The following SNX31 variants were observed in gnomAD, a reference collection of about 807,000 sequenced individuals.
SNX31 encodes the protein sorting nexin-31.
A neutral mutation model predicts 65.4 loss-of-function variants in SNX31; 58 were observed. The ratio of observed to expected loss-of-function variants is 0.89; its 90% CI spans 0.72 to 1.10. The LOEUF is 1.10. Ranked by LOEUF, SNX31 falls within the 50% of genes least tolerant of loss-of-function variation. SNX31 has a pLI of 0.00. For missense variants in SNX31, 523 were observed against 529.7 expected (o/e 0.99, Z 0.12); for synonymous variants, 181 against 190.1 (o/e 0.95, Z 0.39).
At chr8:100,590,858 C>T (rs1010634971) in intron 10 of SNX31, among the ~76,000 whole-genome samples, 1 of 152,062 alleles carries the variant, frequency 6.6e-6, no homozygotes, top group Non-Finnish European at 1.5e-5. Context: ...CAACAGATAA[C>T]GCAGTACTGT....
chr8:100,620,821 C>T (rs1345401803), intron 4 of SNX31, among the ~76,000 whole-genome samples: 1 of 152,090 alleles, frequency 6.6e-6, no homozygotes, highest in Non-Finnish European at 1.5e-5. Context: ...TTGCCCAGGC[C>T]GAGCATGGTG....
rs1220315775 is a variant in SNX31, at chr8:100,588,021, T to C, written c.1092+845A>G. Among the ~76,000 whole-genome samples, 1 of 152,196 alleles carries C rather than the reference T, an allele frequency of 6.6e-6. No homozygotes were observed. Among genetic ancestry groups the C allele is most frequent in the Non-Finnish European group, 1.5e-5 (1 of 68,040 alleles). Reference sequence around the variant, plus strand: ...GCTATAAACCTGTACAGTATGCTACTATACTGAATAAATTCTGAGGCAATT... The same window carrying C: ...GCTATAAACCTGTACAGTATGCTACCATACTGAATAAATTCTGAGGCAATT... On this transcript the variant is annotated intron_variant, in intron 11 of 13. Coordinates refer to ENST00000311812, the MANE Select transcript of SNX31 (RefSeq NM_152628.4). The surrounding 1 kb of genome is among the most constrained non-coding windows in gnomAD (Gnocchi z 4.8).
At chr8:100,608,770 G>T (rs1311501311) in intron 7 of SNX31, among the ~76,000 whole-genome samples, 1 of 152,138 alleles carries the variant, frequency 6.6e-6, no homozygotes. Context: ...TTGCCTGGAG[G>T]GCTCTAAGAG....
rs1819871511 is a variant in SNX31, at chr8:100,649,368, C to T, written c.67-20G>A. 2 of 1,613,342 alleles carry T rather than the reference C, an allele frequency of 1.2e-6. No homozygotes were observed. Among genetic ancestry groups the T allele is most frequent in the South Asian group, 1.1e-5 (1 of 91,036 alleles). ...GTACAGCTGCAAACACACAGACACC[C>T]CGTCCCTGGTGAGCCGAGGGATAAG... On this transcript the variant is annotated intron_variant, in intron 1 of 13. Coordinates refer to ENST00000311812, the MANE Select transcript of SNX31 (RefSeq NM_152628.4).
At chr8:100,584,718 C>A (rs529548597) in intron 11 of SNX31, among the ~76,000 whole-genome samples, 55 of 147,488 alleles carry the variant, frequency 3.7e-4, no homozygotes, top group Non-Finnish European at 7.3e-4. Context: ...TTTTTCTTCA[C>A]TTCACTTTCT....
Position 100,583,400 on chromosome 8 carries a change from C to T in SNX31, c.1170+711G>A, listed in dbSNP as rs528643653. Among the ~76,000 whole-genome samples, 16 of 151,908 alleles carry T rather than the reference C, an allele frequency of 1.1e-4. No individual in the cohort carries two copies. The South Asian group carries it at 1.9e-3, about 18-fold the overall frequency. ...GATTACAGGCATGAGCCACCATGCC[C>T]GGCCCCAGGCATTGGTATTTCTAAT... On this transcript the variant is annotated intron_variant, in intron 12 of 13. Transcript: ENST00000311812.
upstream of SNX31, among the ~76,000 whole-genome samples, chr8:100,651,542 C>A (rs1819973988): frequency 6.6e-6 from 1 of 152,218 alleles, no homozygotes; most frequent in Non-Finnish European, 1.5e-5. Flanking sequence ...GGCCTCTGTG[C>A]AAGTCACCGT....
In SNX31 at chr8:100,630,361, TCACTTCTCA is replaced by T; in HGVS notation, c.278_286del (p.Leu93_Asp96delinsTyr). The T allele has an allele frequency of 1.2e-6, 2 of 1,613,410 alleles. No individual in the cohort carries two copies. Among genetic ancestry groups the T allele is most frequent in the Non-Finnish European group, 1.7e-6 (2 of 1,179,874 alleles). ...CAGTTTTAAAAACTCAACGAAGACA[TCACTTCTCA>T]ACACGTTTGGGTCCATGGTTACTGA... On this transcript the variant is annotated inframe_deletion, in exon 4 of 14. Coordinates refer to ENST00000311812, the MANE Select transcript of SNX31 (RefSeq NM_152628.4). The surrounding 1 kb of genome is among the most constrained non-coding windows in gnomAD (Gnocchi z 5.3).
At position 100,609,537 on chromosome 8, in the gene SNX31, A is replaced by C. The variant is rs1169057255; in HGVS notation, c.612-974T>G. The stretch of plus-strand genomic sequence containing the variant: ...GAATCACGAGGAACTGAAATTAATG[A>C]CTGTAGAAGCACAGTAGCATGTTAA... On this transcript the variant is annotated intron_variant, in intron 7 of 13. Coordinates refer to ENST00000311812, the MANE Select transcript of SNX31 (RefSeq NM_152628.4). This position sits in a 1 kb window ranked among gnomAD's most constrained non-coding sequence, Gnocchi z 4.9. 6.6e-6 allele frequency among the ~76,000 whole-genome samples: 1 copy of C among 152,134 alleles called. No homozygotes were observed. Among genetic ancestry groups the C allele is most frequent in the East Asian group, 1.9e-4 (1 of 5,196 alleles).
At chr8:100,649,916 T>TA (rs1392614497), upstream of SNX31, among the ~76,000 whole-genome samples, 25 of 152,290 alleles carry the variant, frequency 1.6e-4, no homozygotes, top group African/African-American at 3.6e-4. Flanking sequence ...ATAGATCTAG[T>TA]AACTGCCTTA....
intron 2 of SNX31, among the ~76,000 whole-genome samples, chr8:100,641,565 A>AAAAAATAT (rs1554587369): frequency 3.7e-4 from 12 of 32,100 alleles, no homozygotes; most frequent in Non-Finnish European, 5.3e-4. Flanking sequence ...AAAAAAAAAA[A>AAAAAATAT]ATATATATAT....
chr8:100,622,198 G>A lies in SNX31; in HGVS notation c.322-4468C>T, dbSNP rs1287592440. Among the ~76,000 whole-genome samples, 1 of 152,158 alleles carries A rather than the reference G, an allele frequency of 6.6e-6. No individual in the cohort carries two copies. The highest frequency in any genetic ancestry group is 1.5e-5 in the Non-Finnish European group (1 of 68,032). The stretch of plus-strand genomic sequence containing the variant: ...GCTTAATTAGTTTAAAGCCAGGTTA[G>A]ATGGCTGCCTAGAAGATAAGCTCCT... On this transcript the variant is annotated intron_variant, in intron 4 of 13. Coordinates refer to ENST00000311812, the MANE Select transcript of SNX31 (RefSeq NM_152628.4). This position sits in a 1 kb window ranked among gnomAD's most constrained non-coding sequence, Gnocchi z 5.0.
At chr8:100,624,019 G>A (rs1817881781) in intron 4 of SNX31, among the ~76,000 whole-genome samples, 1 of 151,888 alleles carries the variant, frequency 6.6e-6, no homozygotes, top group Non-Finnish European at 1.5e-5. Flanking sequence ...GTGGGGGGAT[G>A]CGGGGAGGAA....
chr8:100,629,084 G>A lies in SNX31; in HGVS notation c.321+1243C>T, dbSNP rs935939634. On this transcript the variant is annotated intron_variant, in intron 4 of 13. Transcript: ENST00000311812. This position sits in a 1 kb window ranked among gnomAD's most constrained non-coding sequence, Gnocchi z 5.1. ...GTGGTGTTCACACAATGACAAAATC[G>A]CCTAATGATGCATTTATCAGAACGA... Among the ~76,000 whole-genome samples, 2 of 152,038 alleles carry A rather than the reference G, an allele frequency of 1.3e-5. No individual in the cohort carries two copies. The highest frequency in any genetic ancestry group is 2.9e-5 in the Non-Finnish European group (2 of 67,998).
chr8:100,623,901 T>C (rs16898646), intron 4 of SNX31, among the ~76,000 whole-genome samples: 2,649 of 152,048 alleles, frequency 0.017, 79 homozygotes, highest in African/African-American at 0.058. Context: ...GAAAATTCTG[T>C]CTTCAGGGCT....
chr8:100,652,245 T>C (rs1354325422), upstream of SNX31, among the ~76,000 whole-genome samples: 4 of 152,226 alleles, frequency 2.6e-5, no homozygotes, highest in African/African-American at 9.6e-5. Flanking sequence ...CCCAAAGTCG[T>C]GGGATTACAG....
At chr8:100,663,506 C>G (rs983295854), upstream of SNX31, 1 of 152,092 alleles carries the variant, frequency 6.6e-6, no homozygotes, top group African/African-American at 2.4e-5. Context: ...ATTAAGACGG[C>G]GATGTCCCCC....
intron 2 of SNX31, among the ~76,000 whole-genome samples, chr8:100,643,969 G>A (rs1819451070): frequency 6.6e-6 from 1 of 152,204 alleles, no homozygotes. Context: ...CTTCCTGGAG[G>A]AGATGGGACT....
At position 100,612,120 on chromosome 8, in the gene SNX31, G is replaced by T; in HGVS notation, c.524-33C>A. On this transcript the variant is annotated intron_variant, in intron 6 of 13. Coordinates refer to ENST00000311812, the MANE Select transcript of SNX31 (RefSeq NM_152628.4). This position sits in a 1 kb window ranked among gnomAD's most constrained non-coding sequence, Gnocchi z 4.3. ...AAGGAGAAAGCCGGTCTTACTGGTT[G>T]AAACAGCACAGACAGCTTATATATA... 1 of 1,434,308 alleles carries T rather than the reference G, an allele frequency of 7.0e-7. No homozygotes were observed. The highest frequency in any genetic ancestry group is 9.8e-7 in the Non-Finnish European group (1 of 1,016,728). The allele number at this position is 1,434,308 out of a possible 1,614,324, so 88.8% of individuals were successfully genotyped here. A position where few individuals can be genotyped will look rare whatever the true frequency, so the allele number is the denominator to read the frequency against.
Sources: gnomAD v4.1 joint callset for allele counts (sites outside exome capture counted in the v4.1 genomes callset) on GRCh38, gnomAD v4.1.1 for gene constraint, Gnocchi (gnomAD v3.1) non-coding constraint, MANE v1.5 for transcripts, NCBI Gene and HGNC (gene_info 2026-07-23, HGNC 2026-07-21) for gene names.